Variants in FNBP1 observed in about 807,000 individuals in gnomAD.
The protein encoded by FNBP1 is formin-binding protein 1.
Under a neutral mutation model 90.6 loss-of-function variants are expected in FNBP1, and 26 were observed. The ratio of observed to expected loss-of-function variants is 0.29; its 90% CI spans 0.21 to 0.40. The LOEUF is 0.40. Among genes scored for constraint, FNBP1 ranks in the 10% least tolerant of loss-of-function variants. FNBP1 has a pLI of 1.00. For synonymous variants in FNBP1, 260 were observed against 265.2 expected, an observed-to-expected ratio of 0.98 and a Z score of 0.19; for missense variants, 635 against 768.0, an observed-to-expected ratio of 0.83 and a Z score of 2.05.
chr9:129,907,104 T>A (rs1249903128), intron 12 of FNBP1, among the ~76,000 whole-genome samples: 1 of 150,926 alleles, frequency 6.6e-6, no homozygotes, highest in Non-Finnish European at 1.5e-5. Context: ...TTTTCTTTCC[T>A]TTTATTCAGC....
At chr9:129,932,212 C>CA (rs1287569648) in intron 6 of FNBP1, among the ~76,000 whole-genome samples, 15 of 65,136 alleles carry the variant, frequency 2.3e-4, no homozygotes, top group East Asian at 1.4e-3. Flanking sequence ...CTATCTCTCT[C>CA]AAAAAAAAGA....
intron 16 of FNBP1, among the ~76,000 whole-genome samples, chr9:129,892,414 C>CACAAACAA (rs56282507): frequency 8.0e-6 from 1 of 125,232 alleles, no homozygotes; most frequent in Non-Finnish European, 1.7e-5. Context: ...CACACACACA[C>CACAAACAA]ACAAAAAGGT....
intron 6 of FNBP1, among the ~76,000 whole-genome samples, chr9:129,955,332 C>T (rs1296628360): frequency 1.3e-5 from 2 of 151,814 alleles, no homozygotes; most frequent in East Asian, 3.9e-4. Flanking sequence ...CTCCCAGGAC[C>T]GAGCAATCCT....
chr9:129,942,081 A>C lies in FNBP1; in HGVS notation c.514-12386T>G, dbSNP rs575089920. On this transcript the variant is annotated intron_variant, in intron 6 of 16. Coordinates refer to ENST00000446176, the MANE Select transcript of FNBP1 (RefSeq NM_015033.3). ...GAGACTCTGTCTCCAAAAAAAAAAA[A>C]CCAAAACCAAAACAAACAAATGAAA... Among the ~76,000 whole-genome samples the C allele has an allele frequency of 1.3e-4, 20 of 151,936 alleles. No individual in the cohort carries two copies. The East Asian group carries it at 3.9e-3, about 29-fold the overall frequency.
intron 11 of FNBP1, 50 bp from the exon 12 acceptor site, chr9:129,909,049 G>T: frequency 7.5e-7 from 1 of 1,326,944 alleles, no homozygotes; most frequent in Non-Finnish European, 1.1e-6. Context: ...GGCTTTCCTT[G>T]AAAGAAGGCT....
intron 6 of FNBP1, among the ~76,000 whole-genome samples, chr9:129,935,565 G>A (rs1346729803): frequency 2.6e-5 from 4 of 152,032 alleles, no homozygotes; most frequent in Admixed American, 2.0e-4. Context: ...TCGGTTCACT[G>A]CAACCTCCGC....
chr9:130,035,286 C>T (rs1023796012), intron 1 of FNBP1, among the ~76,000 whole-genome samples: 2 of 152,164 alleles, frequency 1.3e-5, no homozygotes, highest in African/African-American at 4.8e-5. Context: ...CAAGGCCATC[C>T]TCTTCTTGGG....
intron 3 of FNBP1, among the ~76,000 whole-genome samples, chr9:129,978,910 G>C (rs1475275521): frequency 1.3e-5 from 2 of 152,140 alleles, no homozygotes; most frequent in Non-Finnish European, 2.9e-5. Context: ...CTAATGTAAA[G>C]GATATTTAGA....
intron 6 of FNBP1, among the ~76,000 whole-genome samples, chr9:129,941,671 C>T (rs1293559762): frequency 6.6e-6 from 1 of 152,114 alleles, no homozygotes; most frequent in East Asian, 1.9e-4. Context: ...TCCTACGTTG[C>T]CCAGCCTGGT....
intron 2 of FNBP1, among the ~76,000 whole-genome samples, chr9:129,983,559 G>A (rs550905589): frequency 9.6e-4 from 146 of 152,284 alleles, no homozygotes; most frequent in African/African-American, 3.4e-3. Context: ...GGTGGCTCAT[G>A]CCTGTAATCC....
At chr9:129,919,642 A>G (rs1372453013) in intron 10 of FNBP1, among the ~76,000 whole-genome samples, 1 of 152,240 alleles carries the variant, frequency 6.6e-6, no homozygotes, top group Non-Finnish European at 1.5e-5. Context: ...CTGTTTAATT[A>G]TTTAGAAACA....
At position 129,966,255 on chromosome 9, in the gene FNBP1, C is replaced by T. The variant is rs1184956592; in HGVS notation, c.346-7702G>A. On this transcript the variant is annotated intron_variant, in intron 4 of 16. Coordinates refer to ENST00000446176, the MANE Select transcript of FNBP1 (RefSeq NM_015033.3). This position sits in a 1 kb window ranked among gnomAD's most constrained non-coding sequence, Gnocchi z 4.3. ...AACTTACAAGGGTCTGAGGAATACC[C>T]TCCAAGCCGCAGGCAGAGCAAGTGC... Among the ~76,000 whole-genome samples the T allele has an allele frequency of 2.0e-5, 3 of 152,198 alleles. No individual in the cohort carries two copies. The highest frequency in any genetic ancestry group is 4.4e-5 in the Non-Finnish European group (3 of 68,046).
At chr9:129,906,535 G>A (rs530281483) in intron 12 of FNBP1, among the ~76,000 whole-genome samples, 55 of 152,294 alleles carry the variant, frequency 3.6e-4, no homozygotes, top group African/African-American at 1.2e-3. Context: ...AAGCTCTGCC[G>A]AATGCCACCA....
In FNBP1 at chr9:129,908,575, C is replaced by T. The variant is rs187088988; in HGVS notation, c.1295+315G>A. The stretch of plus-strand genomic sequence containing the variant: ...ATTATTATTTTTTATTTTTTTGAGA[C>T]AGAGGCTTGCTCTGTTGCCCAGGCT... On this transcript the variant is annotated intron_variant, in intron 12 of 16. Coordinates refer to ENST00000446176, the MANE Select transcript of FNBP1 (RefSeq NM_015033.3). Among the ~76,000 whole-genome samples the T allele has an allele frequency of 4.7e-3, 696 of 147,692 alleles. 8 individuals carry two copies. Among genetic ancestry groups the T allele is most frequent in the Middle Eastern group, 7.4e-3 (2 of 272 alleles).
intron 1 of FNBP1, among the ~76,000 whole-genome samples, chr9:130,034,565 A>T (rs1282514624): frequency 6.6e-6 from 1 of 152,128 alleles, no homozygotes; most frequent in East Asian, 1.9e-4. Context: ...ACTTGATACT[A>T]CTCCTACTAA....
chr9:129,905,237 TTGATCTTTTTA>T (rs1393465345), intron 12 of FNBP1, among the ~76,000 whole-genome samples: 1 of 150,996 alleles, frequency 6.6e-6, no homozygotes, highest in African/African-American at 2.4e-5. Flanking sequence ...ATCAACTTTA[TTGATCTTTTTA>T]AGGAAGAACT....
chr9:130,038,872 GAA>G (rs1400215840), intron 1 of FNBP1, among the ~76,000 whole-genome samples: 2 of 152,184 alleles, frequency 1.3e-5, no homozygotes, highest in Non-Finnish European at 2.9e-5. Context: ...GCTGCAAAGA[GAA>G]TAATTACGAG....
chr9:130,044,976 T>C (rs1181690102), upstream of FNBP1: 3 of 151,802 alleles, frequency 2.0e-5, no homozygotes, highest in African/African-American at 7.3e-5. Context: ...AATTAAGAGG[T>C]GGAGCTACTA....
intron 6 of FNBP1, among the ~76,000 whole-genome samples, chr9:129,935,582 G>A (rs1405871847): frequency 6.6e-6 from 1 of 152,086 alleles, no homozygotes; most frequent in Non-Finnish European, 1.5e-5. Flanking sequence ...CCGCCTCCCA[G>A]GTTCAAGTGA....
Sources: gnomAD v4.1 joint callset for allele counts (sites outside exome capture counted in the v4.1 genomes callset) on GRCh38, gnomAD v4.1.1 for gene constraint, Gnocchi (gnomAD v3.1) non-coding constraint, MANE v1.5 for transcripts, NCBI Gene and HGNC (gene_info 2026-07-23, HGNC 2026-07-21) for gene names.